DDAH1: variants seen among roughly 807,000 people sequenced by gnomAD.
DDAH1 encodes dimethylarginine dimethylaminohydrolase 1.
Under a neutral mutation model 28.8 loss-of-function variants are expected in DDAH1, and 19 were observed. The ratio of observed to expected loss-of-function variants is 0.66; its 90% CI spans 0.46 to 0.97. The LOEUF (loss-of-function observed/expected upper bound fraction) is 0.97, where lower values mean the gene tolerates loss of function less well. Among genes scored for constraint, DDAH1 ranks in the 50% least tolerant of loss-of-function variants. The pLI is 0.00. For synonymous variants in DDAH1, 153 were observed against 154.4 expected, an observed-to-expected ratio of 0.99 and a Z score of 0.07; for missense variants, 326 against 375.9, an observed-to-expected ratio of 0.87 and a Z score of 1.10.
At chr1:85,552,380 T>C (rs1658820342) in intron 1 of DDAH1, among the ~76,000 whole-genome samples, 2 of 152,230 alleles carry the variant, frequency 1.3e-5, no homozygotes, top group East Asian at 3.8e-4. Flanking sequence ...CCCAATTCTT[T>C]AGTACTCTTA....
chr1:85,519,632 G>T (rs550685070), intron 1 of DDAH1, among the ~76,000 whole-genome samples: 26 of 152,180 alleles, frequency 1.7e-4, no homozygotes, highest in African/African-American at 5.1e-4. Context: ...AAAATTCTAA[G>T]AAAAATGCTA....
At chr1:85,539,839 T>C (rs1658416085) in intron 1 of DDAH1, among the ~76,000 whole-genome samples, 1 of 151,842 alleles carries the variant, frequency 6.6e-6, no homozygotes, top group African/African-American at 2.4e-5. Flanking sequence ...TCAATAGTTC[T>C]CCATTGCCTG....
intron 4 of DDAH1, among the ~76,000 whole-genome samples, chr1:85,337,698 C>T (rs1047190139): frequency 1.3e-5 from 2 of 152,130 alleles, no homozygotes; most frequent in South Asian, 2.1e-4. Flanking sequence ...GTGATCCACC[C>T]GCCTTGGCCT....
At chr1:85,366,710 TG>T (rs779238009) in intron 1 of DDAH1, among the ~76,000 whole-genome samples, 42 of 152,090 alleles carry the variant, frequency 2.8e-4, no homozygotes, top group Non-Finnish European at 1.5e-4. Context: ...GCTGGATATA[TG>T]AATGCAGACA....
chr1:85,493,160 A>G (rs1348935707), intron 2 of DDAH1, among the ~76,000 whole-genome samples: 2 of 151,976 alleles, frequency 1.3e-5, no homozygotes, highest in Non-Finnish European at 2.9e-5. Context: ...AAAATAAAAA[A>G]ATTTGTTTTC....
intron 1 of DDAH1, chr1:85,399,207 T>C (rs895265283): frequency 6.6e-6 from 1 of 152,234 alleles, no homozygotes; most frequent in Non-Finnish European, 1.5e-5. Flanking sequence ...ATCCTTTTGA[T>C]AGTCATAATA....
chr1:85,568,081 A>C (rs1379101348), intron 1 of DDAH1, among the ~76,000 whole-genome samples: 5 of 152,210 alleles, frequency 3.3e-5, no homozygotes, highest in Non-Finnish European at 7.3e-5. Flanking sequence ...AAATAACCTG[A>C]GTCAAAAAAA....
chr1:85,505,850 C>A (rs1186648340), intron 1 of DDAH1, among the ~76,000 whole-genome samples: 1 of 152,072 alleles, frequency 6.6e-6, no homozygotes, highest in African/African-American at 2.4e-5. Context: ...AGAAAATTTT[C>A]TTTAATTGAT....
intron 1 of DDAH1, among the ~76,000 whole-genome samples, chr1:85,572,177 A>C (rs1659476240): frequency 6.6e-6 from 1 of 152,190 alleles, no homozygotes; most frequent in Admixed American, 6.5e-5. Context: ...GAGGAAATAG[A>C]AACAAGCTCA....
Position 85,385,738 on chromosome 1 carries a change from T to C in DDAH1, c.304-26891A>G, listed in dbSNP as rs1159177758. Among the ~76,000 whole-genome samples the C allele has an allele frequency of 2.0e-5, 3 of 152,210 alleles. No individual in the cohort carries two copies. The East Asian group carries it at 5.8e-4, about 29-fold the overall frequency. On this transcript the variant is annotated intron_variant, in intron 1 of 5. Transcript: ENST00000284031. ...ACTCCATGCCTTAGTGCATTTGCAT[T>C]GTTATAAAGGAATACCTGAAGCTGG...
At chr1:85,563,988 A>G (rs1026686166) in intron 1 of DDAH1, among the ~76,000 whole-genome samples, 4 of 152,200 alleles carry the variant, frequency 2.6e-5, no homozygotes, top group Admixed American at 6.5e-5. Flanking sequence ...CCTGGTCAAC[A>G]TGGTGAAACC....
At chr1:85,494,243 A>G (rs932436096) in intron 2 of DDAH1, 2 of 152,240 alleles carry the variant, frequency 1.3e-5, no homozygotes, top group Non-Finnish European at 2.9e-5. Context: ...GGCATTTACC[A>G]GAACAGCTCT....
intron 1 of DDAH1, chr1:85,521,802 C>T (rs1657701972): frequency 6.6e-6 from 1 of 151,288 alleles, no homozygotes; most frequent in Non-Finnish European, 1.5e-5. Flanking sequence ...GTATAGACTT[C>T]CATTTAAGAA....
chr1:85,410,624 C>T (rs1170921909), intron 1 of DDAH1, among the ~76,000 whole-genome samples: 4 of 115,002 alleles, frequency 3.5e-5, no homozygotes, highest in Non-Finnish European at 5.1e-5. Flanking sequence ...GCAATAAGAG[C>T]GAAGCTCTGC....
intron 4 of DDAH1, among the ~76,000 whole-genome samples, chr1:85,329,219 C>CA (rs1215625832): frequency 6.6e-6 from 1 of 152,202 alleles, no homozygotes; most frequent in Admixed American, 6.5e-5. Context: ...AGTGAGGAAA[C>CA]AAACTAAAAT....
At chr1:85,419,534 C>T (rs1653039220) in intron 1 of DDAH1, among the ~76,000 whole-genome samples, 1 of 50,984 alleles carries the variant, frequency 2.0e-5, no homozygotes, top group African/African-American at 1.2e-4. Flanking sequence ...GAGTGAAACT[C>T]CATCTTAAAA....
chr1:85,371,125 ATGC>A (rs1230005688), intron 1 of DDAH1, among the ~76,000 whole-genome samples: 1 of 152,166 alleles, frequency 6.6e-6, no homozygotes, highest in Non-Finnish European at 1.5e-5. Context: ...GCAGCAATGG[ATGC>A]AAAAATCCCC....
chr1:85,474,881 G>A (rs1655740978), intron 2 of DDAH1, among the ~76,000 whole-genome samples: 1 of 152,128 alleles, frequency 6.6e-6, no homozygotes, highest in Non-Finnish European at 1.5e-5. Context: ...ATTGCTATGG[G>A]AGAGTGGAGG....
intron 2 of DDAH1, among the ~76,000 whole-genome samples, chr1:85,474,814 T>C (rs951803787): frequency 2.3e-4 from 35 of 152,282 alleles, no homozygotes; most frequent in Admixed American, 1.9e-3. Context: ...AAGAAAATTA[T>C]ACTAGGCCCC....
Sources: gnomAD v4.1 joint callset for allele counts (sites outside exome capture counted in the v4.1 genomes callset) on GRCh38, gnomAD v4.1.1 for gene constraint, MANE v1.5 for transcripts, NCBI Gene and HGNC (gene_info 2026-07-23, HGNC 2026-07-21) for gene names.